RABGEF1: variants seen among roughly 807,000 people sequenced by gnomAD.
RABGEF1 encodes the protein RAB guanine nucleotide exchange factor 1.
A neutral mutation model predicts 57.3 loss-of-function variants in RABGEF1; 26 were observed. That is an observed-to-expected ratio of 0.45 (90% confidence interval 0.33 to 0.63). The LOEUF (loss-of-function observed/expected upper bound fraction) is 0.63. Among genes scored for constraint, RABGEF1 ranks in the 20% least tolerant of loss-of-function variants. The pLI is 0.02. For synonymous variants in RABGEF1, 185 were observed against 210.7 expected (o/e 0.88, Z 1.06); for missense variants, 464 against 607.6 (o/e 0.76, Z 2.48).
At position 66,808,870 on chromosome 7, in the gene RABGEF1, C is replaced by T. The variant is rs764571786; in HGVS notation, c.1078-16C>T. The T allele has an allele frequency of 4.5e-6, 7 of 1,541,676 alleles. No individual in the cohort carries two copies. The highest frequency in any genetic ancestry group is 6.2e-6 in the Non-Finnish European group (7 of 1,128,820). On this transcript the variant is annotated splice_polypyrimidine_tract_variant and intron_variant, in intron 8 of 8. Coordinates refer to ENST00000284957, the MANE Select transcript of RABGEF1 (RefSeq NM_014504.3). The stretch of plus-strand genomic sequence containing the variant: ...AGCTTTCCTAATATGACTGTATTAA[C>T]GTCCTCTTCTTGTAGTGCTGTGCTG...
intron 1 of RABGEF1, among the ~76,000 whole-genome samples, chr7:66,746,447 C>T (rs1282275942): frequency 6.6e-6 from 1 of 151,102 alleles, no homozygotes; most frequent in Non-Finnish European, 1.5e-5. Flanking sequence ...ACCACCATAC[C>T]CAGCTAATTT....
At chr7:66,767,384 G>C (rs544793889) in intron 1 of RABGEF1, among the ~76,000 whole-genome samples, 4 of 151,914 alleles carry the variant, frequency 2.6e-5, no homozygotes, top group Non-Finnish European at 5.9e-5. Context: ...AATTTTATTA[G>C]ATTTATGTAA....
In RABGEF1 at chr7:66,810,902, C is replaced by T. The variant is rs573494058; in HGVS notation, c.*1618C>T. ...TACATATAAGATCTATTAAGCTTGA[C>T]ACATCTGTGTCATCACGCACTGAAG... On this transcript the variant is annotated 3_prime_UTR_variant, in exon 9 of 9. Coordinates refer to ENST00000284957, the MANE Select transcript of RABGEF1 (RefSeq NM_014504.3). 6.6e-6 allele frequency: 1 copy of T among 152,338 alleles called. No individual in the cohort carries two copies. Among genetic ancestry groups the T allele is most frequent in the Admixed American group, 6.5e-5 (1 of 15,306 alleles). 9.4% of individuals were successfully genotyped at this position (152,338 alleles called of 1,614,324 possible).
At chr7:66,687,550 G>A (rs554904486) in intron 1 of RABGEF1, among the ~76,000 whole-genome samples, 2 of 151,970 alleles carry the variant, frequency 1.3e-5, no homozygotes, top group African/African-American at 4.8e-5. Context: ...GTGGTGGCAT[G>A]TTCCTGCAGT....
chr7:66,660,018 AAAAG>A, the RABGEF1 span, among the ~76,000 whole-genome samples: 1 of 152,028 alleles, frequency 6.6e-6, no homozygotes. Flanking sequence ...AAGAAAAAAA[AAAAG>A]AAGACTCAAA....
chr7:66,810,399 G>A lies in RABGEF1; in HGVS notation c.*1115G>A, dbSNP rs1489115232. 1 of 152,110 alleles carries A rather than the reference G, an allele frequency of 6.6e-6. No homozygotes were observed. The highest frequency in any genetic ancestry group is 1.5e-5 in the Non-Finnish European group (1 of 68,034). The allele number at this position is 152,110 out of a possible 1,614,324, so 9.4% of individuals were successfully genotyped here. A position where few individuals can be genotyped will look rare whatever the true frequency, so the allele number is the denominator to read the frequency against. On this transcript the variant is annotated 3_prime_UTR_variant, in exon 9 of 9. Coordinates refer to ENST00000284957, the MANE Select transcript of RABGEF1 (RefSeq NM_014504.3). Reference sequence around the variant, plus strand: ...CCAGTAGCACCCCCGCTAGAGCTGTGAAAAATTCTCTCCAGACATAGTCAG... The same window carrying A: ...CCAGTAGCACCCCCGCTAGAGCTGTAAAAAATTCTCTCCAGACATAGTCAG...
chr7:66,728,499 C>A (rs1367839317), intron 2 of RABGEF1, among the ~76,000 whole-genome samples: 1 of 152,166 alleles, frequency 6.6e-6, no homozygotes, highest in Non-Finnish European at 1.5e-5. Flanking sequence ...GATTTCATGA[C>A]CCACAATGGC....
At chr7:66,765,924 A>G (rs1263715056) in intron 1 of RABGEF1, among the ~76,000 whole-genome samples, 2 of 152,208 alleles carry the variant, frequency 1.3e-5, no homozygotes, top group Non-Finnish European at 2.9e-5. Context: ...TTTTAGTAAC[A>G]TTGAGTAGTA....
At chr7:66,806,518 A>G (rs894037950) in intron 8 of RABGEF1, among the ~76,000 whole-genome samples, 1 of 152,056 alleles carries the variant, frequency 6.6e-6, no homozygotes, top group Middle Eastern at 3.2e-3. Flanking sequence ...CTTGATCAGA[A>G]TGATGCTTTT....
chr7:66,759,343 C>T (rs952564319), intron 1 of RABGEF1, among the ~76,000 whole-genome samples: 9 of 152,182 alleles, frequency 5.9e-5, no homozygotes, highest in South Asian at 2.1e-4. Context: ...AGATTCGAAG[C>T]GTCTTCTCCC....
At chr7:66,722,620 C>T (rs762665178) in intron 2 of RABGEF1, among the ~76,000 whole-genome samples, 5 of 152,120 alleles carry the variant, frequency 3.3e-5, no homozygotes, top group Admixed American at 2.6e-4. Context: ...TTATGCTTAC[C>T]TTTTCTTCTA....
intron 2 of RABGEF1, among the ~76,000 whole-genome samples, chr7:66,713,596 G>A (rs184843162): frequency 3.7e-4 from 57 of 152,316 alleles, no homozygotes; most frequent in Admixed American, 5.9e-4. Flanking sequence ...TCCTTATCTT[G>A]TACCTTAACT....
intron 1 of RABGEF1, among the ~76,000 whole-genome samples, chr7:66,704,642 C>T (rs2117294630): frequency 6.6e-6 from 1 of 152,128 alleles, no homozygotes; most frequent in East Asian, 1.9e-4. Flanking sequence ...AACCCCATCT[C>T]TACTAAAAAT....
chr7:66,669,062 A>G, the RABGEF1 span: 1 of 152,356 alleles, frequency 6.6e-6, no homozygotes, highest in Middle Eastern at 3.4e-3. Flanking sequence ...CCGGGAGGGC[A>G]TGACTTCTGG....
intron 1 of RABGEF1, among the ~76,000 whole-genome samples, chr7:66,690,502 C>T (rs189581788): frequency 1.0e-3 from 152 of 150,584 alleles, no homozygotes; most frequent in African/African-American, 3.6e-3. Flanking sequence ...ATCACTTGAG[C>T]TCAAGAGTTC....
At chr7:66,777,717 C>T (rs1808881478) in intron 3 of RABGEF1, among the ~76,000 whole-genome samples, 1 of 152,056 alleles carries the variant, frequency 6.6e-6, no homozygotes, top group African/African-American at 2.4e-5. Flanking sequence ...TACATGAGCC[C>T]AGGAGTTAGT....
chr7:66,757,142 A>T (rs934658226), intron 1 of RABGEF1, among the ~76,000 whole-genome samples: 1 of 152,204 alleles, frequency 6.6e-6, no homozygotes, highest in Admixed American at 6.5e-5. Context: ...CTGTTACAAC[A>T]TTTATTTTCA....
intron 3 of RABGEF1, among the ~76,000 whole-genome samples, chr7:66,778,528 C>T (rs1809082893): frequency 6.6e-6 from 1 of 152,180 alleles, no homozygotes; most frequent in Non-Finnish European, 1.5e-5. Context: ...ATAATGTTGT[C>T]ATTCCAAGTA....
intron 1 of RABGEF1, among the ~76,000 whole-genome samples, chr7:66,698,694 C>T (rs1406699392): frequency 1.4e-4 from 21 of 152,138 alleles, no homozygotes; most frequent in Admixed American, 1.4e-3. Flanking sequence ...CTCCAGGGCT[C>T]CAAGGTGCTG....
Sources: gnomAD v4.1 joint callset for allele counts (sites outside exome capture counted in the v4.1 genomes callset) on GRCh38, gnomAD v4.1.1 for gene constraint, MANE v1.5 for transcripts, NCBI Gene and HGNC (gene_info 2026-07-23, HGNC 2026-07-21) for gene names.